The following CDK17 variants were observed in gnomAD, a reference collection of about 807,000 sequenced individuals.
CDK17 encodes the protein cyclin-dependent kinase 17.
Under a neutral mutation model 77.6 loss-of-function variants are expected in CDK17, and 24 were observed. The ratio of observed to expected loss-of-function variants is 0.31; its 90% CI spans 0.22 to 0.44. CDK17 has a LOEUF of 0.44. Among genes scored for constraint, CDK17 ranks in the 20% least tolerant of loss-of-function variants. The probability of loss-of-function intolerance (pLI) is 1.00; values close to 1 mark genes in which losing one functional copy is unlikely to be tolerated. For missense variants in CDK17, 429 were observed against 622.5 expected (o/e 0.69, Z 3.31); for synonymous variants, 203 against 210.4 (o/e 0.96, Z 0.30).
chr12:96,323,869 A>G, intron 3 of CDK17, 79 bp downstream of exon 3: 1 of 988,702 alleles, frequency 1.0e-6, no homozygotes, highest in Non-Finnish European at 1.4e-6. Flanking sequence ...GAGATAATAA[A>G]AGTTGCTTAA....
chr12:96,379,370 AGATAT>A (rs1953838024), intron 1 of CDK17, among the ~76,000 whole-genome samples: 4 of 152,220 alleles, frequency 2.6e-5, no homozygotes, highest in Non-Finnish European at 5.9e-5. Flanking sequence ...CTTGATTATA[AGATAT>A]GCTGATATTT....
At chr12:96,338,682 C>T (rs947457889) in intron 1 of CDK17, among the ~76,000 whole-genome samples, 4 of 151,910 alleles carry the variant, frequency 2.6e-5, no homozygotes, top group African/African-American at 7.3e-5. Context: ...TGAGACACTG[C>T]GCTTGGCCCT....
intron 2 of CDK17, among the ~76,000 whole-genome samples, chr12:96,326,292 T>G (rs1462002925): frequency 1.3e-5 from 2 of 152,078 alleles, no homozygotes; most frequent in East Asian, 3.9e-4. Context: ...AGTACTGATC[T>G]CAGAGTGCAT....
At chr12:96,292,212 T>C (rs757902752) in intron 10 of CDK17, among the ~76,000 whole-genome samples, 18 of 152,168 alleles carry the variant, frequency 1.2e-4, no homozygotes, top group African/African-American at 1.7e-4. Context: ...AGCAAAAGTA[T>C]AGGAATTTCC....
At chr12:96,299,704 C>T (rs2137085209) in intron 6 of CDK17, among the ~76,000 whole-genome samples, 1 of 152,242 alleles carries the variant, frequency 6.6e-6, no homozygotes, top group African/African-American at 2.4e-5. Context: ...AAAAATTTTA[C>T]CCATGTTTCT....
At chr12:96,285,651 T>C (rs1288537040) in intron 13 of CDK17, 1 of 153,172 alleles carries the variant, frequency 6.5e-6, no homozygotes, top group Non-Finnish European at 1.5e-5. Flanking sequence ...TGGACAGAGT[T>C]TATATTCTTC....
intron 1 of CDK17, among the ~76,000 whole-genome samples, chr12:96,399,748 A>C (rs1954228541): frequency 6.6e-6 from 1 of 151,166 alleles, no homozygotes; most frequent in African/African-American, 2.4e-5. Context: ...GCAGACACTC[A>C]CACCCCACCC....
At chr12:96,373,342 C>CA (rs1660575122) in intron 1 of CDK17, among the ~76,000 whole-genome samples, 1 of 152,146 alleles carries the variant, frequency 6.6e-6, no homozygotes, top group Non-Finnish European at 1.5e-5. Flanking sequence ...CCTGTAATCC[C>CA]AGCACTTTGG....
chr12:96,292,004 G>C (rs1021181749), intron 10 of CDK17, among the ~76,000 whole-genome samples: 3 of 151,882 alleles, frequency 2.0e-5, no homozygotes, highest in Non-Finnish European at 4.4e-5. Context: ...GGGAAGGAAA[G>C]AGAAAGAAAA....
chr12:96,389,468 G>C (rs947845078), intron 1 of CDK17, among the ~76,000 whole-genome samples: 1 of 152,156 alleles, frequency 6.6e-6, no homozygotes, highest in Non-Finnish European at 1.5e-5. Context: ...TAGGAAGAAA[G>C]GGGATGAGAG....
intron 5 of CDK17, among the ~76,000 whole-genome samples, chr12:96,310,739 A>T (rs190808981): frequency 5.6e-4 from 84 of 150,432 alleles, no homozygotes; most frequent in Non-Finnish European, 1.0e-3. Context: ...ATATTAATAC[A>T]TGTTTATTTA....
intron 2 of CDK17, among the ~76,000 whole-genome samples, chr12:96,331,298 GA>G (rs566533685): frequency 5.1e-4 from 78 of 152,208 alleles, no homozygotes; most frequent in African/African-American, 1.8e-3. Context: ...TTAGTAAAAA[GA>G]AAACTGATGG....
At chr12:96,331,152 A>G (rs1952961018) in intron 2 of CDK17, among the ~76,000 whole-genome samples, 1 of 152,198 alleles carries the variant, frequency 6.6e-6, no homozygotes, top group African/African-American at 2.4e-5. Flanking sequence ...CGTGTTGGCC[A>G]GGCTAGTCTA....
chr12:96,281,394 A>C (rs1952176443), intron 15 of CDK17, among the ~76,000 whole-genome samples: 1 of 152,226 alleles, frequency 6.6e-6, no homozygotes, highest in Admixed American at 6.5e-5. Flanking sequence ...TTTGAGACGG[A>C]GTCTCACTCT....
intron 1 of CDK17, among the ~76,000 whole-genome samples, chr12:96,397,294 T>C (rs966301224): frequency 7.2e-6 from 1 of 139,096 alleles, no homozygotes; most frequent in South Asian, 2.1e-4. Flanking sequence ...AAATTTTCTA[T>C]TTTTTTTTTT....
At chr12:96,339,420 G>C (rs1371742272) in intron 1 of CDK17, among the ~76,000 whole-genome samples, 1 of 152,050 alleles carries the variant, frequency 6.6e-6, no homozygotes, top group Non-Finnish European at 1.5e-5. Flanking sequence ...TTTACATCTT[G>C]CAAGATGAAA....
chr12:96,323,883 A>G, intron 3 of CDK17, 65 bp downstream of exon 3: 1 of 1,236,530 alleles, frequency 8.1e-7, no homozygotes, highest in Non-Finnish European at 1.1e-6. Flanking sequence ...TGCTTAATTA[A>G]AACTTAACTA....
In CDK17 at chr12:96,307,894, A is replaced by C. The variant is rs112998920; in HGVS notation, c.543+3158T>G. Reference sequence around the variant, plus strand: ...ACACACACAGACACACACACACACAAAAAATGTCTTAAGCAGTGATGCTAA... The same window carrying C: ...ACACACACAGACACACACACACACACAAAATGTCTTAAGCAGTGATGCTAA... On this transcript the variant is annotated intron_variant, in intron 5 of 16. Transcript: ENST00000261211. Among the ~76,000 whole-genome samples, 327 of 152,086 alleles carry C rather than the reference A, an allele frequency of 2.2e-3. 3 individuals are homozygous for C. Among genetic ancestry groups the C allele is most frequent in the Non-Finnish European group, 3.3e-3 (224 of 67,960 alleles).
rs758389511 is a variant in CDK17, at chr12:96,279,070, A to C, written c.*1172T>G. The C allele has an allele frequency of 6.6e-6, 1 of 152,610 alleles. No homozygotes were observed. The highest frequency in any genetic ancestry group is 1.5e-5 in the Non-Finnish European group (1 of 67,994). 9.5% of individuals were successfully genotyped at this position (152,610 alleles called of 1,614,324 possible). A position where few individuals can be genotyped will look rare whatever the true frequency, so the allele number is the denominator to read the frequency against. On this transcript the variant is annotated 3_prime_UTR_variant, in exon 17 of 17. Coordinates refer to ENST00000261211, the MANE Select transcript of CDK17 (RefSeq NM_002595.5). ...GATTTATAGTTTGTAAGATGCACTA[A>C]ACAAATAGTCCTTAAAAGTGAACAA...
Sources: allele counts gnomAD v4.1 joint callset (sites outside exome capture counted in the v4.1 genomes callset), GRCh38; gene constraint gnomAD v4.1.1; transcripts MANE v1.5; gene names NCBI Gene and HGNC (gene_info 2026-07-23, HGNC 2026-07-21).